AQP12B: variants seen among roughly 807,000 people sequenced by gnomAD.
AQP12B encodes the protein putative aquaporin-12B.
In AQP12B, 8 loss-of-function variants were observed where a neutral mutation model predicts 11.5. That is an observed-to-expected ratio of 0.70 (90% CI 0.41 to 1.26). The LOEUF is 1.26. AQP12B is among the 50% of genes most tolerant of loss of function. The pLI is 0.01. For synonymous variants in AQP12B, 123 were observed against 158.0 expected (o/e 0.78, Z 1.66); for missense variants, 247 against 322.0 (o/e 0.77, Z 1.78).
chr2:240,682,902 G>A (rs552896608), upstream of AQP12B: 64 of 1,561,566 alleles, frequency 4.1e-5, 1 homozygote, highest in African/African-American at 2.8e-4. Flanking sequence ...GGAGCTGGCC[G>A]GTTCCCACAA....
Position 240,682,740 on chromosome 2 carries a change from G to A in AQP12B, c.98C>T (p.Ala33Val). 1 of 1,613,320 alleles carries A rather than the reference G, an allele frequency of 6.2e-7. No homozygotes were observed. The highest frequency in any genetic ancestry group is 8.5e-7 in the Non-Finnish European group (1 of 1,179,718). Residue 33 changes from alanine to valine, a missense_variant, in exon 1 of 3, where the codon GCC becomes GTC. Physicochemically the swap from Ala to Val is moderately conservative, Grantham distance 64. Transcript: ENST00000407834. ...CGCCTCCCGGGCGAAGACTTCATAGGCGCCCACTGGGAGCAGGGCCTTGGA... is the reference window on the plus strand; with the variant it reads ...CGCCTCCCGGGCGAAGACTTCATAGACGCCCACTGGGAGCAGGGCCTTGGA... ...RASKALLPVG[A>V]YEVFAREAVG...
At position 240,682,585 on chromosome 2, in the gene AQP12B, C is replaced by A. The variant is rs182755222; in HGVS notation, c.253G>T (p.Val85Phe). ...LLFLLFLAHG[V>F]TLDGASANPT... Reference sequence around the variant, plus strand: ...TTGGCCGAGGCCCCGTCCAAGGTGACCCCGTGCGCCAGGAAGAGCAGGAAG... The same window carrying A: ...TTGGCCGAGGCCCCGTCCAAGGTGAACCCGTGCGCCAGGAAGAGCAGGAAG... The change falls in exon 1 of 3, where the codon GTC becomes TTC. Residue 85 changes from valine (V) to phenylalanine (F), a missense_variant. By Grantham distance (50) the Val-to-Phe change is conservative (BLOSUM62 -1). This residue lies in a region of AQP12B where 206 missense variants were observed against 173.2 expected (regional missense o/e 1.19). Transcript: ENST00000407834. 71,621 of 1,611,924 alleles carry A rather than the reference C, an allele frequency of 0.044. 2,029 individuals are homozygous for A. Among genetic ancestry groups the A allele is most frequent in the South Asian group, 0.098 (8,909 of 90,840 alleles).
In AQP12B at chr2:240,682,576, C is replaced by G. The variant is rs777816086; in HGVS notation, c.262G>C (p.Asp88His). 6.8e-6 allele frequency: 11 copies of G among 1,613,284 alleles called. No individual in the cohort carries two copies. Among genetic ancestry groups the G allele is most frequent in the Middle Eastern group, 1.7e-4 (1 of 5,788 alleles). The change falls in exon 1 of 3, where the codon GAC becomes CAC. Residue 88 changes from aspartate (D) to histidine (H), a missense_variant. Physicochemically the swap from Asp to His is moderately conservative, Grantham distance 81. This residue lies in a region of AQP12B where 206 missense variants were observed against 173.2 expected (regional missense o/e 1.19). Coordinates refer to ENST00000407834, the MANE Select transcript of AQP12B (RefSeq NM_001102467.2). ...LLFLAHGVTL[D>H]GASANPTVSL... The stretch of plus-strand genomic sequence containing the variant: ...ACGGTGGGGTTGGCCGAGGCCCCGT[C>G]CAAGGTGACCCCGTGCGCCAGGAAG...
chr2:240,683,447 G>T (rs1313627646), upstream of AQP12B, among the ~76,000 whole-genome samples: 1 of 151,520 alleles, frequency 6.6e-6, no homozygotes, highest in Non-Finnish European at 1.5e-5. Flanking sequence ...CCTAGGTGAA[G>T]CTCCCTCCTG....
At position 240,682,567 on chromosome 2, in the gene AQP12B, A is replaced by T. The variant is rs767068318; in HGVS notation, c.271T>A (p.Ser91Thr). ...LAHGVTLDGA[S>T]ANPTVSLQEF... ...TGCAGGGACACGGTGGGGTTGGCCG[A>T]GGCCCCGTCCAAGGTGACCCCGTGC... is the stretch of plus-strand genomic sequence containing the variant. Residue 91 changes from serine to threonine, a missense_variant, in exon 1 of 3, where the codon TCG (serine) becomes ACG (threonine). Ser to Thr is a moderately conservative substitution (Grantham distance 58, BLOSUM62 1). Around this residue, in one of 4 missense-constraint regions of AQP12B, gnomAD observed 206 missense variants for 173.2 expected, o/e 1.19. Coordinates refer to ENST00000407834, the MANE Select transcript of AQP12B (RefSeq NM_001102467.2). The T allele has an allele frequency of 6.2e-7, 1 of 1,613,358 alleles. No individual in the cohort carries two copies. The highest frequency in any genetic ancestry group is 8.5e-7 in the Non-Finnish European group (1 of 1,179,850).
At chr2:240,682,046 C>T (rs2125511202) in intron 1 of AQP12B, among the ~76,000 whole-genome samples, 185 bp downstream of exon 1, 1 of 97,252 alleles carries the variant, frequency 1.0e-5, no homozygotes, top group East Asian at 3.0e-4. Flanking sequence ...TCCACCGCAC[C>T]CCATGTCCAG....
chr2:240,682,852 C>A lies in AQP12B; in HGVS notation c.-15G>T, dbSNP rs376529999. 1 of 1,569,138 alleles carries A rather than the reference C, an allele frequency of 6.4e-7. No individual in the cohort carries two copies. Among genetic ancestry groups the A allele is most frequent in the Non-Finnish European group, 8.7e-7 (1 of 1,155,972 alleles). On this transcript the variant is annotated 5_prime_UTR_variant, in exon 1 of 3. Coordinates refer to ENST00000407834, the MANE Select transcript of AQP12B (RefSeq NM_001102467.2). ...AGACCTGCCATCGGCCTGGGCCCCC[C>A]GAGATGCTGTGCCTGCAGGACACCT...
At chr2:240,683,538 C>G (rs908842755), upstream of AQP12B, among the ~76,000 whole-genome samples, 9 of 152,048 alleles carry the variant, frequency 5.9e-5, no homozygotes, top group Non-Finnish European at 1.3e-4. Context: ...GGCCAGGCCC[C>G]CTGCACGTGG....
At position 240,682,428 on chromosome 2, in the gene AQP12B, A is replaced by T; in HGVS notation, c.410T>A (p.Leu137His). 1 of 1,603,062 alleles carries T rather than the reference A, an allele frequency of 6.2e-7. No individual in the cohort carries two copies. Among genetic ancestry groups the T allele is most frequent in the South Asian group, 1.1e-5 (1 of 90,672 alleles). The change falls in exon 1 of 3, where the codon CTC becomes CAC. Residue 137 changes from leucine (L) to histidine (H), a missense_variant. Physicochemically the swap from Leu to His is moderately conservative, Grantham distance 99. Around this residue, in one of 4 missense-constraint regions of AQP12B, gnomAD observed 26 missense variants for 48.3 expected, o/e 0.54. Coordinates refer to ENST00000407834, the MANE Select transcript of AQP12B (RefSeq NM_001102467.2). Reference protein sequence around the residue: ...TLTRLCWAWELSDLHLLQSLM... With the variant: ...TLTRLCWAWEHSDLHLLQSLM... ...GCTCTGCAGCAGGTGCAGGTCACTG[A>T]GCTCCCAGGCCCAGCAGAGGCGCGT...
rs192736899 is a variant in AQP12B at position 240,682,592 on chromosome 2, C to T, written c.246G>A (p.Ala82=). 7.4e-5 allele frequency: 120 copies of T among 1,613,226 alleles called. No individual in the cohort carries two copies. Among genetic ancestry groups the T allele is most frequent in the South Asian group, 1.4e-4 (13 of 91,022 alleles). ...LLTLLFLLFL[A]HGVTLDGASA... ...AGGCCCCGTCCAAGGTGACCCCGTG[C>T]GCCAGGAAGAGCAGGAAGAGCAGGG... The change falls in exon 1 of 3, where the codon GCG becomes GCA. Residue 82 remains alanine, a synonymous_variant. Transcript: ENST00000407834.
rs754390425 is a variant in AQP12B, at chr2:240,682,538, C to A, written c.300G>T (p.Glu100Asp). 1.9e-6 allele frequency: 3 copies of A among 1,613,194 alleles called. No individual in the cohort carries two copies. The South Asian group carries it at 3.3e-5, about 18-fold the overall frequency. Residue 100 changes from glutamate (E) to aspartate (D), a missense_variant, in exon 1 of 3, where the codon GAG becomes GAT. Glu to Asp is a conservative substitution (Grantham distance 45, BLOSUM62 2). Around this residue, in one of 4 missense-constraint regions of AQP12B, gnomAD observed 206 missense variants for 173.2 expected, o/e 1.19. Coordinates refer to ENST00000407834, the MANE Select transcript of AQP12B (RefSeq NM_001102467.2). ...GCAGAGACTCCTCGGCCATGAGGAACTCCTGCAGGGACACGGTGGGGTTGG... is the reference window on the plus strand; with the variant it reads ...GCAGAGACTCCTCGGCCATGAGGAAATCCTGCAGGGACACGGTGGGGTTGG... Reference protein sequence around the residue: ...ASANPTVSLQEFLMAEESLPG... With the variant: ...ASANPTVSLQDFLMAEESLPG...
At chr2:240,680,937 CAGAG>C (rs1180033621) in intron 1 of AQP12B, among the ~76,000 whole-genome samples, 8 of 86,210 alleles carry the variant, frequency 9.3e-5, no homozygotes, top group African/African-American at 5.6e-4. Context: ...AGAGGAGAGA[CAGAG>C]AGAGAGAGGA....
chr2:240,683,596 C>A (rs2043976001), upstream of AQP12B, among the ~76,000 whole-genome samples: 1 of 151,438 alleles, frequency 6.6e-6, no homozygotes, highest in Non-Finnish European at 1.5e-5. Flanking sequence ...GCTCCCTGCA[C>A]CTCCACTGTG....
intron 1 of AQP12B, among the ~76,000 whole-genome samples, chr2:240,680,718 C>T (rs1434541906): frequency 3.2e-5 from 1 of 31,138 alleles, no homozygotes; most frequent in Non-Finnish European, 5.8e-5. Flanking sequence ...CCAACACCCT[C>T]GCGACATCTC....
In AQP12B at chr2:240,682,508, G is replaced by T. The variant is rs2125513366; in HGVS notation, c.330C>A (p.Gly110=). 6.2e-7 allele frequency: 1 copy of T among 1,612,392 alleles called. No individual in the cohort carries two copies. Among genetic ancestry groups the T allele is most frequent in the East Asian group, 2.2e-5 (1 of 44,860 alleles). Residue 110 remains glycine, a synonymous_variant, in exon 1 of 3, where the codon GGC becomes GGA. Transcript: ENST00000407834. ...EFLMAEESLP[G]TLLKLAAQGL... is the part of the protein sequence containing the mutation. ...CCTGTGCCGCCAGCTTCAGCAGCGT[G>T]CCAGGCAGAGACTCCTCGGCCATGA...
upstream of AQP12B, among the ~76,000 whole-genome samples, chr2:240,683,599 C>T (rs1455443942): frequency 1.4e-4 from 21 of 151,328 alleles, no homozygotes; most frequent in Admixed American, 1.4e-3. Context: ...CCCTGCACCT[C>T]CACTGTGTCC....
At chr2:240,683,681 G>A (rs1575493336), upstream of AQP12B, among the ~76,000 whole-genome samples, 1 of 143,478 alleles carries the variant, frequency 7.0e-6, no homozygotes, top group East Asian at 2.0e-4. Context: ...TCCTCCACCT[G>A]CTCTGTGTCC....
At position 240,682,331 on chromosome 2, in the gene AQP12B, G is replaced by T; in HGVS notation, c.507C>A (p.Cys169Ter). ...GGAGGGTCAGATGGAAACAAAAGGC[G>T]CAGGCGGCCTCCACAAGCGCCCCGT... ...VPHGALVEAA[C>*]AFCFHLTLLH... The change falls in exon 1 of 3, where the codon TGC (cysteine) becomes TGA (stop). Residue 169 changes from cysteine (C) to a stop codon, truncating the protein, a stop_gained. Coordinates refer to ENST00000407834, the MANE Select transcript of AQP12B (RefSeq NM_001102467.2). LOFTEE classifies it high-confidence loss of function. 6 of 1,519,510 alleles carry T rather than the reference G, an allele frequency of 3.9e-6. No individual in the cohort carries two copies. The highest frequency in any genetic ancestry group is 2.4e-5 in the East Asian group (1 of 41,746). The allele number at this position is 1,519,510 out of a possible 1,614,324, so 94.1% of individuals were successfully genotyped here.
intron 1 of AQP12B, among the ~76,000 whole-genome samples, 179 bp downstream of exon 1, chr2:240,682,052 T>G (rs868351055): frequency 1.1e-5 from 1 of 89,622 alleles, no homozygotes; most frequent in African/African-American, 4.0e-5. Flanking sequence ...GCACCCCATG[T>G]CCAGCGCAGG....
Sources: allele counts gnomAD v4.1 joint callset (sites outside exome capture counted in the v4.1 genomes callset), GRCh38; gene constraint gnomAD v4.1.1; regional missense constraint gnomAD v4.1.1; transcripts MANE v1.5; gene names NCBI Gene and HGNC (gene_info 2026-07-23, HGNC 2026-07-21).